CNTN5: variants seen among roughly 807,000 people sequenced by gnomAD.
CNTN5 encodes the protein contactin-5.
In CNTN5, 77 loss-of-function variants were observed where a neutral mutation model predicts 129.1. That is an observed-to-expected ratio of 0.60 (90% CI 0.50 to 0.72). CNTN5 has a LOEUF of 0.72. CNTN5 is among the 30% of genes least tolerant of loss of function. The pLI, the probability that CNTN5 is intolerant of heterozygous loss-of-function variation, is 0.00. For synonymous variants in CNTN5, 509 were observed against 465.6 expected (o/e 1.09, Z -1.20); for missense variants, 1,478 against 1,328.8 (o/e 1.11, Z -1.75).
chr11:100,055,048 AAAAG>A, intron 9 of CNTN5, among the ~76,000 whole-genome samples: 1 of 150,620 alleles, frequency 6.6e-6, no homozygotes, highest in South Asian at 2.1e-4. Flanking sequence ...AAAAAAAAAA[AAAAG>A]GCAAATGTAT....
At chr11:100,045,554 T>C (rs72996844) in intron 9 of CNTN5, among the ~76,000 whole-genome samples, 8,999 of 152,200 alleles carry the variant, frequency 0.059, 332 homozygotes, top group Middle Eastern at 0.2. Flanking sequence ...AGTTTTCTTT[T>C]CAGTGGGACT....
intron 2 of CNTN5, among the ~76,000 whole-genome samples, chr11:99,393,619 T>C (rs1381459869): frequency 1.3e-5 from 2 of 151,734 alleles, no homozygotes; most frequent in Admixed American, 6.6e-5. Flanking sequence ...TTTTCTCTAC[T>C]GATTGTCCTT....
At chr11:100,120,686 A>G (rs1410915838) in intron 13 of CNTN5, among the ~76,000 whole-genome samples, 1 of 151,956 alleles carries the variant, frequency 6.6e-6, no homozygotes, top group East Asian at 1.9e-4. Flanking sequence ...TAGATTTTAT[A>G]TAAAATAATA....
At chr11:99,855,629 C>T (rs1298517724) in intron 6 of CNTN5, among the ~76,000 whole-genome samples, 1 of 152,094 alleles carries the variant, frequency 6.6e-6, no homozygotes, top group Non-Finnish European at 1.5e-5. Flanking sequence ...AATTAGAAAA[C>T]AGAGTCTGAT....
At chr11:99,228,044 C>T in intron 1 of CNTN5, among the ~76,000 whole-genome samples, 1 of 151,828 alleles carries the variant, frequency 6.6e-6, no homozygotes, top group East Asian at 1.9e-4. Context: ...TGATCTGTTG[C>T]CCAGTTGTTG....
intron 16 of CNTN5, among the ~76,000 whole-genome samples, chr11:100,252,655 C>G (rs555560040): frequency 1.3e-5 from 2 of 152,170 alleles, no homozygotes; most frequent in African/African-American, 4.8e-5. Flanking sequence ...TTTCCAGAAC[C>G]ATTTATTGAA....
intron 13 of CNTN5, among the ~76,000 whole-genome samples, chr11:100,127,374 G>A (rs984938909): frequency 5.9e-5 from 9 of 151,800 alleles, no homozygotes; most frequent in African/African-American, 2.2e-4. Flanking sequence ...GCAGTTATAC[G>A]TTCCTGCTTC....
At chr11:100,206,143 C>T (rs1591392047) in intron 15 of CNTN5, among the ~76,000 whole-genome samples, 1 of 151,994 alleles carries the variant, frequency 6.6e-6, no homozygotes, top group Admixed American at 6.6e-5. Context: ...ATCATCCAAC[C>T]CGTGGAAGCA....
intron 1 of CNTN5, among the ~76,000 whole-genome samples, chr11:99,220,418 A>C (rs141491585): frequency 3.0e-4 from 46 of 152,048 alleles, no homozygotes; most frequent in African/African-American, 9.6e-4. Flanking sequence ...TGCCACAAGG[A>C]ACTATGAATT....
chr11:99,427,113 C>T lies in CNTN5; in HGVS notation c.-71+101629C>T, dbSNP rs535403981. On this transcript the variant is annotated intron_variant, in intron 2 of 24. Transcript: ENST00000524871. Reference sequence around the variant, plus strand: ...AGGTTGCTTTCCTCTGTTAGGGGTCCATTTACATAACCTGCAAGTCAAAAC... The same window carrying T: ...AGGTTGCTTTCCTCTGTTAGGGGTCTATTTACATAACCTGCAAGTCAAAAC... Among the ~76,000 whole-genome samples the T allele has an allele frequency of 2.0e-5, 3 of 152,204 alleles. No individual in the cohort carries two copies. In the South Asian group the frequency reaches 6.2e-4, roughly 32 times the overall value.
Position 100,218,112 on chromosome 11 carries a change from T to C in CNTN5, c.1885-6580T>C, listed in dbSNP as rs571651304. Among the ~76,000 whole-genome samples, 9 of 152,326 alleles carry C rather than the reference T, an allele frequency of 5.9e-5. No individual in the cohort carries two copies. The South Asian group carries it at 6.2e-4, about 11-fold the overall frequency. On this transcript the variant is annotated intron_variant, in intron 15 of 24. Transcript: ENST00000524871. ...TCTAATGATATGCGTCAATGAGCTT[T>C]GTATTTGCATTGGAGGTCCAAGAAA...
intron 2 of CNTN5, among the ~76,000 whole-genome samples, chr11:99,338,109 G>A (rs1207906363): frequency 2.6e-5 from 4 of 151,978 alleles, no homozygotes; most frequent in Non-Finnish European, 5.9e-5. Flanking sequence ...ATTTACATTA[G>A]CATTATAAGT....
chr11:99,132,574 AT>A (rs1355521430), intron 1 of CNTN5, among the ~76,000 whole-genome samples: 1 of 152,166 alleles, frequency 6.6e-6, no homozygotes, highest in Non-Finnish European at 1.5e-5. Context: ...TACACAATCA[AT>A]GTGCAGAAAT....
chr11:100,000,617 C>G (rs1939798025), intron 8 of CNTN5, among the ~76,000 whole-genome samples: 1 of 152,184 alleles, frequency 6.6e-6, no homozygotes, highest in Admixed American at 6.5e-5. Context: ...ATTCTTACAG[C>G]TCCAGTAAAC....
At chr11:99,264,665 C>A (rs760791103) in intron 1 of CNTN5, among the ~76,000 whole-genome samples, 1 of 152,032 alleles carries the variant, frequency 6.6e-6, no homozygotes, top group Non-Finnish European at 1.5e-5. Flanking sequence ...AATTTTCAAG[C>A]AATGTATGCC....
chr11:99,550,566 C>T (rs149097702), intron 2 of CNTN5, among the ~76,000 whole-genome samples: 14 of 152,156 alleles, frequency 9.2e-5, no homozygotes, highest in East Asian at 1.9e-4. Flanking sequence ...ATAAGGTCCA[C>T]GGAAAAAGAG....
chr11:99,055,987 T>C (rs929693476), intron 1 of CNTN5, among the ~76,000 whole-genome samples: 1 of 151,988 alleles, frequency 6.6e-6, no homozygotes, highest in Non-Finnish European at 1.5e-5. Context: ...TTTCAGTTTC[T>C]GTATGAGATT....
At chr11:100,024,451 T>C (rs1720270674) in intron 9 of CNTN5, among the ~76,000 whole-genome samples, 1 of 151,926 alleles carries the variant, frequency 6.6e-6, no homozygotes, top group Admixed American at 6.5e-5. Context: ...ACTGCTATAA[T>C]GATACCCAAA....
At chr11:99,170,362 C>A (rs1861089518) in intron 1 of CNTN5, among the ~76,000 whole-genome samples, 1 of 152,138 alleles carries the variant, frequency 6.6e-6, no homozygotes, top group Non-Finnish European at 1.5e-5. Context: ...AGGTTGAAAA[C>A]CAGCAGCAGG....
Sources: allele counts gnomAD v4.1 joint callset (sites outside exome capture counted in the v4.1 genomes callset), GRCh38; gene constraint gnomAD v4.1.1; transcripts MANE v1.5; gene names NCBI Gene and HGNC (gene_info 2026-07-23, HGNC 2026-07-21).